NCOR2: variants seen among roughly 807,000 people sequenced by gnomAD.
NCOR2 encodes nuclear receptor corepressor 2.
NCOR2 carries 81 observed loss-of-function variants against 262.9 expected under a neutral mutation model. The ratio of observed to expected loss-of-function variants is 0.31; its 90% CI spans 0.26 to 0.37. The LOEUF (loss-of-function observed/expected upper bound fraction) is 0.37, where lower values mean the gene tolerates loss of function less well. NCOR2 is among the 10% of genes least tolerant of loss of function. NCOR2 has a pLI of 1.00. For missense variants in NCOR2, 3,385 were observed against 3,621.4 expected (o/e 0.93, Z 1.68); for synonymous variants, 1,659 against 1,559.3 (o/e 1.06, Z -1.51).
chr12:124,424,718 C>G (rs755502217), intron 11 of NCOR2, among the ~76,000 whole-genome samples: 1 of 152,234 alleles, frequency 6.6e-6, no homozygotes, highest in Non-Finnish European at 1.5e-5. Flanking sequence ...GGGCCACAAC[C>G]CTGGACCAAA....
chr12:124,506,009 G>A (rs2049017597), intron 1 of NCOR2, among the ~76,000 whole-genome samples: 1 of 151,842 alleles, frequency 6.6e-6, no homozygotes, highest in Non-Finnish European at 1.5e-5. Context: ...CTCTAGAGAG[G>A]CTCCTCGGCC....
At chr12:124,395,883 A>T (rs111828253) in intron 16 of NCOR2, among the ~76,000 whole-genome samples, 7 of 152,308 alleles carry the variant, frequency 4.6e-5, no homozygotes, top group Non-Finnish European at 1.0e-4. Flanking sequence ...GTGATTAAAA[A>T]TCTCACACAA....
chr12:124,345,640 G>A lies in NCOR2; in HGVS notation c.4360-689C>T, dbSNP rs142166547. 3.9e-5 allele frequency among the ~76,000 whole-genome samples: 6 copies of A among 152,352 alleles called. No individual in the cohort carries two copies. In the East Asian group the frequency reaches 1.2e-3, roughly 29 times the overall value. On this transcript the variant is annotated intron_variant, in intron 31 of 46. Transcript: ENST00000405201. ...GGGGAACTGCCCTTGTTTTTCAAAA[G>A]AATATTCTAGAATCTGGACCCTGTC...
At chr12:124,460,750 C>T (rs2046120633) in intron 5 of NCOR2, among the ~76,000 whole-genome samples, 1 of 152,222 alleles carries the variant, frequency 6.6e-6, no homozygotes, top group Non-Finnish European at 1.5e-5. Flanking sequence ...CCAATCCACA[C>T]AGTTCTAGGC....
At chr12:124,396,348 A>T (rs1452110803) in intron 16 of NCOR2, among the ~76,000 whole-genome samples, 1 of 152,182 alleles carries the variant, frequency 6.6e-6, no homozygotes, top group African/African-American at 2.4e-5. Context: ...TGCCATGTGT[A>T]TCATCTCAAA....
At position 124,348,120 on chromosome 12, in the gene NCOR2, C is replaced by G; in HGVS notation, c.3985+54G>C. 1.9e-6 allele frequency: 3 copies of G among 1,600,890 alleles called. No individual in the cohort carries two copies. The South Asian group carries it at 3.3e-5, about 18-fold the overall frequency. ...CATCTGTAAAACGGGGTCAGCCATCCCCCCACCGCCCACCAGGGGGCACCG... is the reference window on the plus strand; with the variant it reads ...CATCTGTAAAACGGGGTCAGCCATCGCCCCACCGCCCACCAGGGGGCACCG... On this transcript the variant is annotated intron_variant, in intron 29 of 46. Coordinates refer to ENST00000405201, the Ensembl canonical transcript of NCOR2.
At position 124,411,152 on chromosome 12, in the gene NCOR2, AG is replaced by A. The variant is rs535614173; in HGVS notation, c.1483-8592del. ...TGGGGGAAAGAGAGAGAGACGGGAA[AG>A]CACATGCAGAGAAACAGACGAGACG... On this transcript the variant is annotated intron_variant, in intron 13 of 46. Coordinates refer to ENST00000405201, the Ensembl canonical transcript of NCOR2. 4.9e-4 allele frequency among the ~76,000 whole-genome samples: 74 copies of A among 151,944 alleles called. 1 individual carries two copies. The highest frequency in any genetic ancestry group is 3.3e-3 in the Admixed American group (50 of 15,250).
rs138016439 is a variant in NCOR2, at chr12:124,474,102, A to G, written c.412-971T>C. On this transcript the variant is annotated intron_variant, in intron 3 of 46. Coordinates refer to ENST00000405201, the Ensembl canonical transcript of NCOR2. The stretch of plus-strand genomic sequence containing the variant: ...CACTTACCCCATCTGTGTGTTCCCC[A>G]CCAGCCCAAGGAACGAAGACCCACA... Among the ~76,000 whole-genome samples, 424 of 152,290 alleles carry G rather than the reference A, an allele frequency of 2.8e-3. 5 individuals are homozygous for G. Among genetic ancestry groups the G allele is most frequent in the African/African-American group, 9.8e-3 (406 of 41,550 alleles).
chr12:124,487,522 C>G (rs2047832898), intron 1 of NCOR2, among the ~76,000 whole-genome samples: 1 of 152,274 alleles, frequency 6.6e-6, no homozygotes, highest in African/African-American at 2.4e-5. Flanking sequence ...TTGCGGGGCT[C>G]TGCCCAGCTG....
At chr12:124,463,769 G>T (rs1004031363) in intron 5 of NCOR2, among the ~76,000 whole-genome samples, 1 of 152,198 alleles carries the variant, frequency 6.6e-6, no homozygotes, top group Non-Finnish European at 1.5e-5. Context: ...GGGGCCTCCC[G>T]CACATTAGGC....
intron 18 of NCOR2, among the ~76,000 whole-genome samples, chr12:124,376,689 GA>G: frequency 6.6e-6 from 1 of 152,356 alleles, no homozygotes; most frequent in South Asian, 2.1e-4. Flanking sequence ...TCGGGCTGGT[GA>G]AACCCTGCGG....
At position 124,339,995 on chromosome 12, in the gene NCOR2, A is replaced by G. The variant is rs759982633; in HGVS notation, c.5687+11T>C. On this transcript the variant is annotated intron_variant, in intron 37 of 46. Coordinates refer to ENST00000405201, the Ensembl canonical transcript of NCOR2. Reference sequence around the variant, plus strand: ...CCTGCCCGCCCCCTCCCCCATGCCAACCTGGCCCACCTCAGGACCGTGGGC... The same window carrying G: ...CCTGCCCGCCCCCTCCCCCATGCCAGCCTGGCCCACCTCAGGACCGTGGGC... 3.1e-6 allele frequency: 5 copies of G among 1,609,396 alleles called. No individual in the cohort carries two copies. Among genetic ancestry groups the G allele is most frequent in the East Asian group, 4.5e-5 (2 of 44,748 alleles).
At position 124,325,564 on chromosome 12, in the gene NCOR2, G is replaced by C; in HGVS notation, c.7383C>G (p.Tyr2461Ter). 1 of 1,313,220 alleles carries C rather than the reference G, an allele frequency of 7.6e-7. No homozygotes were observed. The highest frequency in any genetic ancestry group is 9.8e-7 in the Non-Finnish European group (1 of 1,022,438). The allele number at this position is 1,313,220 out of a possible 1,614,324, so 81.3% of individuals were successfully genotyped here. A position where few individuals can be genotyped will look rare whatever the true frequency, so the allele number is the denominator to read the frequency against. Residue 2461 changes from tyrosine to a stop codon, truncating the protein, a stop_gained, in exon 47 of 47, where the codon TAC becomes TAG. Coordinates refer to ENST00000405201, the Ensembl canonical transcript of NCOR2. LOFTEE classifies it high-confidence loss of function. ...CCTGCAGCCGCATGATCAGGGGGTT[G>C]TAGGGGAATGGCGTGGAACCTGCGG...
At chr12:124,452,426 T>C (rs117553245) in intron 6 of NCOR2, among the ~76,000 whole-genome samples, 3,147 of 152,284 alleles carry the variant, frequency 0.021, 53 homozygotes, top group Middle Eastern at 0.058. Context: ...CCTCCCTCAC[T>C]AGCTGTGAGC....
At chr12:124,509,189 C>T (rs755484627) in intron 1 of NCOR2, among the ~76,000 whole-genome samples, 1 of 131,316 alleles carries the variant, frequency 7.6e-6, no homozygotes, top group Non-Finnish European at 1.6e-5. Context: ...CCTGGGGTCT[C>T]AGGGAGGCTG....
exon 31 of NCOR2, chr12:124,346,655 C>A: frequency 6.3e-7 from 1 of 1,586,854 alleles, no homozygotes; most frequent in South Asian, 1.1e-5. Context: ...ATGGATGGAG[C>A]GGCCCGCCTC....
At chr12:124,375,869 T>C (rs770156657) in intron 18 of NCOR2, among the ~76,000 whole-genome samples, 1 of 152,210 alleles carries the variant, frequency 6.6e-6, no homozygotes, top group African/African-American at 2.4e-5. Flanking sequence ...CAAGACGCTT[T>C]CCACTGCCCC....
chr12:124,365,983 A>G (rs2039004262), intron 20 of NCOR2, among the ~76,000 whole-genome samples: 3 of 152,096 alleles, frequency 2.0e-5, no homozygotes, highest in Non-Finnish European at 4.4e-5. Context: ...ATCCGTTTCA[A>G]CCAGCTCGCA....
At chr12:124,497,960 A>C (rs551746353), upstream of NCOR2, among the ~76,000 whole-genome samples, 8 of 152,318 alleles carry the variant, frequency 5.3e-5, no homozygotes, top group African/African-American at 1.9e-4. This position sits in a 1 kb window ranked among gnomAD's most constrained non-coding sequence, Gnocchi z 4.2. Flanking sequence ...GCCCTGTTCT[A>C]AAATTCTTCC....
Sources: gnomAD v4.1 joint callset for allele counts (sites outside exome capture counted in the v4.1 genomes callset) on GRCh38, gnomAD v4.1.1 for gene constraint, Gnocchi (gnomAD v3.1) non-coding constraint, MANE v1.5 for transcripts, NCBI Gene and HGNC (gene_info 2026-07-23, HGNC 2026-07-21) for gene names.